HIPK2: variants seen among roughly 807,000 people sequenced by gnomAD.
HIPK2 encodes homeodomain-interacting protein kinase 2.
A neutral mutation model predicts 113.7 loss-of-function variants in HIPK2; 27 were observed. The observed-to-expected ratio is 0.24, with a 90% CI of 0.17 to 0.33. The LOEUF is 0.33. HIPK2 is among the 10% of genes least tolerant of loss of function. The pLI, the probability that HIPK2 is intolerant of heterozygous loss-of-function variation, is 1.00. For missense variants in HIPK2, 1,257 were observed against 1,588.0 expected (o/e 0.79, Z 3.54); for synonymous variants, 631 against 642.2 (o/e 0.98, Z 0.26).
intron 5 of HIPK2, among the ~76,000 whole-genome samples, chr7:139,628,616 T>C (rs1003622876): frequency 6.6e-6 from 1 of 152,134 alleles, no homozygotes; most frequent in Non-Finnish European, 1.5e-5. Flanking sequence ...GTATTTTTAG[T>C]AGAGACGGGG....
At chr7:139,647,659 A>G (rs930224365) in intron 2 of HIPK2, among the ~76,000 whole-genome samples, 1 of 152,206 alleles carries the variant, frequency 6.6e-6, no homozygotes, top group African/African-American at 2.4e-5. Flanking sequence ...CAGGTGATAA[A>G]GGAGATACTA....
chr7:139,584,693 C>T (rs1798779137), intron 12 of HIPK2, among the ~76,000 whole-genome samples: 1 of 151,950 alleles, frequency 6.6e-6, no homozygotes, highest in Non-Finnish European at 1.5e-5. Context: ...TTTGAGTGTG[C>T]TCTGTGGGCT....
At position 139,703,621 on chromosome 7, in the gene HIPK2, A is replaced by T. The variant is rs987331751; in HGVS notation, c.1103+12311T>A. Among the ~76,000 whole-genome samples the T allele has an allele frequency of 3.3e-4, 50 of 151,928 alleles. 1 individual carries two copies. The highest frequency in any genetic ancestry group is 1.2e-3 in the African/African-American group (50 of 41,372). On this transcript the variant is annotated intron_variant, in intron 2 of 14. Coordinates refer to ENST00000406875, the MANE Select transcript of HIPK2 (RefSeq NM_022740.5). ...GGAAGGAGCTCTAAATACAGAGAAC[A>T]CCATGCACCAGTCTACCTGCTGCCA... is the stretch of plus-strand genomic sequence containing the variant.
At chr7:139,593,098 G>A (rs143279868) in intron 12 of HIPK2, among the ~76,000 whole-genome samples, 2 of 152,226 alleles carry the variant, frequency 1.3e-5, no homozygotes, top group Admixed American at 6.5e-5. Flanking sequence ...GGAGGGAGCA[G>A]GATAGAATCT....
intron 2 of HIPK2, among the ~76,000 whole-genome samples, chr7:139,704,635 C>G (rs1794836527): frequency 6.6e-6 from 1 of 152,198 alleles, no homozygotes; most frequent in Non-Finnish European, 1.5e-5. Context: ...CCCATACACA[C>G]AGACGTGCTC....
At chr7:139,771,678 T>C (rs866126763) in intron 1 of HIPK2, among the ~76,000 whole-genome samples, 62 of 152,286 alleles carry the variant, frequency 4.1e-4, no homozygotes, top group African/African-American at 1.2e-3. Context: ...TTTTCTCTTA[T>C]ATGCGGTACT....
At chr7:139,739,809 C>A (rs1206435654) in intron 1 of HIPK2, among the ~76,000 whole-genome samples, 1 of 152,186 alleles carries the variant, frequency 6.6e-6, no homozygotes, top group Non-Finnish European at 1.5e-5. Flanking sequence ...TGGTATCACA[C>A]AATATGTATA....
In HIPK2 at chr7:139,716,014, T is replaced by C; in HGVS notation, c.1021A>G (p.Arg341Gly). The part of the protein sequence containing the change: ...MLVDPSRQPY[R>G]VKVIDFGSAS... ...GAACCAAAGTCGATGACCTTGACTC[T>C]GTATGGTTGTCTAGATGGATCCACC... The change falls in exon 2 of 15, where the codon AGA becomes GGA. Residue 341 changes from arginine (R) to glycine (G), a missense_variant. Around this residue, in one of 5 missense-constraint regions of HIPK2, gnomAD observed 84 missense variants for 182.2 expected, o/e 0.46. Coordinates refer to ENST00000406875, the MANE Select transcript of HIPK2 (RefSeq NM_022740.5). This position sits in a 1 kb window ranked among gnomAD's most constrained non-coding sequence, Gnocchi z 9.3. 2 of 1,614,148 alleles carry C rather than the reference T, an allele frequency of 1.2e-6. No homozygotes were observed. The highest frequency in any genetic ancestry group is 1.7e-6 in the Non-Finnish European group (2 of 1,180,012).
chr7:139,584,606 G>T (rs1224838223), intron 12 of HIPK2, among the ~76,000 whole-genome samples: 1 of 152,252 alleles, frequency 6.6e-6, no homozygotes, highest in Non-Finnish European at 1.5e-5. Flanking sequence ...CTCTGAGGGG[G>T]CTGCATGCAC....
chr7:139,715,600 G>A lies in HIPK2; in HGVS notation c.1103+332C>T, dbSNP rs113037547. ...TGTAAATTCCCACTAGTGTGACTGCGGACTGTGGATGGCACATCCCTCTCT... is the reference window on the plus strand; with the variant it reads ...TGTAAATTCCCACTAGTGTGACTGCAGACTGTGGATGGCACATCCCTCTCT... On this transcript the variant is annotated intron_variant, in intron 2 of 14. Transcript: ENST00000406875. Among the ~76,000 whole-genome samples, 484 of 152,272 alleles carry A rather than the reference G, an allele frequency of 3.2e-3. 3 individuals are homozygous for A. The highest frequency in any genetic ancestry group is 7.0e-3 in the African/African-American group (292 of 41,536).
chr7:139,682,165 T>C (rs1030564918), intron 2 of HIPK2, among the ~76,000 whole-genome samples: 1 of 152,180 alleles, frequency 6.6e-6, no homozygotes, highest in African/African-American at 2.4e-5. Flanking sequence ...ACCCCCTCTA[T>C]TGCCAAGCTG....
At position 139,613,129 on chromosome 7, in the gene HIPK2, GATATAT is replaced by G. The variant is rs1799895928; in HGVS notation, c.2112+67_2112+72del. 6.4e-7 allele frequency: 1 copy of G among 1,559,030 alleles called. No individual in the cohort carries two copies. Among genetic ancestry groups the G allele is most frequent in the South Asian group, 1.2e-5 (1 of 86,488 alleles). On this transcript the variant is annotated intron_variant, in intron 9 of 14. Transcript: ENST00000406875. The surrounding 1 kb of genome is among the most constrained non-coding windows in gnomAD (Gnocchi z 4.2). ...CATTACTAGGGAGAGAGGGAGTGGA[GATATAT>G]ATCTTTTGTGAACAACATTAACACA...
intron 1 of HIPK2, among the ~76,000 whole-genome samples, chr7:139,755,845 C>T (rs915426607): frequency 3.3e-5 from 5 of 152,278 alleles, no homozygotes; most frequent in Admixed American, 6.5e-5. Context: ...GCCATTGATT[C>T]GAGTTGCACC....
intron 2 of HIPK2, among the ~76,000 whole-genome samples, chr7:139,676,841 C>T (rs994593733): frequency 6.9e-6 from 1 of 144,240 alleles, no homozygotes; most frequent in African/African-American, 2.5e-5. Context: ...AGTATTAGAA[C>T]CATAGTATTT....
intron 2 of HIPK2, among the ~76,000 whole-genome samples, chr7:139,652,894 G>A (rs1183105489): frequency 6.6e-6 from 1 of 152,142 alleles, no homozygotes; most frequent in Non-Finnish European, 1.5e-5. Flanking sequence ...TGTAATCCCA[G>A]CACTTTGGGA....
intron 11 of HIPK2, among the ~76,000 whole-genome samples, chr7:139,599,070 G>C (rs535375409): frequency 1.3e-5 from 2 of 152,220 alleles, no homozygotes; most frequent in Admixed American, 6.5e-5. Context: ...CTGCTTATAT[G>C]AGGAAGCAGA....
Position 139,596,962 on chromosome 7 carries a change from G to C in HIPK2, c.2472C>G (p.Ala824=), listed in dbSNP as rs371642414. ...VSTCEVSSSQ[A]ISSPQRSKRV... is the part of the protein sequence containing the mutation. ...GCTTGGATCGCTGTGGGGAGCTGAT[G>C]GCCTGAGAGGAGGACACCTCACAGG... The change falls in exon 12 of 15, where the codon GCC becomes GCG. Residue 824 remains alanine (A), a synonymous_variant. Coordinates refer to ENST00000406875, the MANE Select transcript of HIPK2 (RefSeq NM_022740.5). 93 of 1,604,280 alleles carry C rather than the reference G, an allele frequency of 5.8e-5. No individual in the cohort carries two copies. In the African/African-American group the frequency reaches 1.2e-3, roughly 20 times the overall value.
chr7:139,677,977 T>G (rs1342000578), intron 2 of HIPK2, among the ~76,000 whole-genome samples: 1 of 152,256 alleles, frequency 6.6e-6, no homozygotes, highest in Non-Finnish European at 1.5e-5. Context: ...CCAGTGATGA[T>G]GAGCTTTTTT....
chr7:139,606,677 G>A (rs191218644), intron 9 of HIPK2, among the ~76,000 whole-genome samples: 1 of 152,270 alleles, frequency 6.6e-6, no homozygotes, highest in East Asian at 1.9e-4. Context: ...TCTCTCTAGG[G>A]GAAATGACTA....
Sources: gnomAD v4.1 joint callset for allele counts (sites outside exome capture counted in the v4.1 genomes callset) on GRCh38, gnomAD v4.1.1 for gene constraint, gnomAD v4.1.1 regional missense constraint, Gnocchi (gnomAD v3.1) non-coding constraint, MANE v1.5 for transcripts, NCBI Gene and HGNC (gene_info 2026-07-23, HGNC 2026-07-21) for gene names.